MIB1: variants seen among roughly 807,000 people sequenced by gnomAD.
The protein encoded by MIB1 is E3 ubiquitin-protein ligase MIB1.
In MIB1, 278 loss-of-function variants were observed where a neutral mutation model predicts 124.5. That is an observed-to-expected ratio of 2.23 (90% confidence interval 2.02 to 2.47). MIB1 has a LOEUF of 2.47. MIB1 is among the 30% of genes most tolerant of loss of function. The pLI is 0.00. For synonymous variants in MIB1, 446 were observed against 429.4 expected (o/e 1.04, Z -0.48); for missense variants, 957 against 1,254.4 (o/e 0.76, Z 3.58).
chr18:21,734,992 C>T (rs2040789631), intron 1 of MIB1, among the ~76,000 whole-genome samples: 1 of 152,208 alleles, frequency 6.6e-6, no homozygotes, highest in African/African-American at 2.4e-5. Flanking sequence ...TTTCAAGTCT[C>T]CTTGTGTATT....
Position 21,825,152 on chromosome 18 carries a change from A to T in MIB1, c.1829+5506A>T, listed in dbSNP as rs555620145. On this transcript the variant is annotated intron_variant, in intron 12 of 20. Transcript: ENST00000261537. Reference sequence around the variant, plus strand: ...TAACTGTTTTAAGCCTCTCCACAAGATATTCTACAGTTATCATCTTTTTCA... The same window carrying T: ...TAACTGTTTTAAGCCTCTCCACAAGTTATTCTACAGTTATCATCTTTTTCA... 5.3e-5 allele frequency among the ~76,000 whole-genome samples: 8 copies of T among 152,240 alleles called. No homozygotes were observed. In the East Asian group the frequency reaches 1.2e-3, roughly 22 times the overall value.
intron 1 of MIB1, among the ~76,000 whole-genome samples, chr18:21,713,394 G>T (rs2040674123): frequency 6.6e-6 from 1 of 151,922 alleles, no homozygotes; most frequent in Non-Finnish European, 1.5e-5. Context: ...GGTGGATCAT[G>T]AGGTCAGGCA....
At chr18:21,781,414 TAA>T (rs1291173304) in intron 6 of MIB1, among the ~76,000 whole-genome samples, 12 of 99,184 alleles carry the variant, frequency 1.2e-4, no homozygotes, top group South Asian at 6.4e-4. Context: ...TATATATATA[TAA>T]AATTATTATT....
At chr18:21,827,996 A>G (rs1240068797) in intron 12 of MIB1, 1 of 151,988 alleles carries the variant, frequency 6.6e-6, no homozygotes, top group Non-Finnish European at 1.5e-5. Context: ...GTAGCTTAAA[A>G]CAGGTACTGC....
chr18:21,785,161 G>C (rs1598609649), intron 6 of MIB1, among the ~76,000 whole-genome samples: 1 of 152,082 alleles, frequency 6.6e-6, no homozygotes, highest in Non-Finnish European at 1.5e-5. Context: ...GTGTGACCCG[G>C]TGGACATGTG....
intron 13 of MIB1, among the ~76,000 whole-genome samples, chr18:21,838,978 C>T (rs1364598164): frequency 6.6e-6 from 1 of 152,204 alleles, no homozygotes; most frequent in East Asian, 1.9e-4. Context: ...TTGGTCATTT[C>T]ATTCATCTCA....
At chr18:21,742,396 T>A (rs1460030520) in intron 1 of MIB1, among the ~76,000 whole-genome samples, 1 of 152,022 alleles carries the variant, frequency 6.6e-6, no homozygotes, top group Non-Finnish European at 1.5e-5. Flanking sequence ...TATCTTTATA[T>A]CAATAGAGAG....
Position 21,741,949 on chromosome 18 carries a change from A to G in MIB1, c.229+137A>G, listed in dbSNP as rs557353707. On this transcript the variant is annotated intron_variant, in intron 1 of 20. Transcript: ENST00000261537. The surrounding 1 kb of genome is among the most constrained non-coding windows in gnomAD (Gnocchi z 5.4). ...CCCGGCTGGAGCGAGCGGAAAGGCA[A>G]AGCGCCAAAGGAATTCTAGGTTCCG... The G allele has an allele frequency of 1.6e-3, 1,160 of 739,686 alleles. 3 individuals are homozygous for G. Among genetic ancestry groups the G allele is most frequent in the Non-Finnish European group, 2.3e-3 (1,080 of 471,406 alleles). 45.8% of individuals were successfully genotyped at this position (739,686 alleles called of 1,614,324 possible).
chr18:21,714,226 G>A (rs182625382), intron 1 of MIB1, among the ~76,000 whole-genome samples: 92 of 152,270 alleles, frequency 6.0e-4, no homozygotes, highest in Admixed American at 5.8e-3. Flanking sequence ...CCCTGCCTAC[G>A]TAACAGACCA....
chr18:21,839,614 C>CCTG (rs1303970872), intron 13 of MIB1, among the ~76,000 whole-genome samples: 1 of 152,162 alleles, frequency 6.6e-6, no homozygotes, highest in Non-Finnish European at 1.5e-5. Flanking sequence ...AAGCAGTCCT[C>CCTG]CTGCCTCCCA....
At chr18:21,770,591 A>T (rs912071062) in intron 3 of MIB1, among the ~76,000 whole-genome samples, 2 of 152,146 alleles carry the variant, frequency 1.3e-5, no homozygotes, top group African/African-American at 2.4e-5. Flanking sequence ...AAGTGCTGGG[A>T]TTACAGGCAT....
intron 6 of MIB1, among the ~76,000 whole-genome samples, chr18:21,785,175 T>A (rs1036233617): frequency 1.3e-5 from 2 of 152,096 alleles, no homozygotes; most frequent in African/African-American, 4.8e-5. Flanking sequence ...ACATGTGACT[T>A]GTGTGACCTT....
intron 3 of MIB1, among the ~76,000 whole-genome samples, chr18:21,769,745 C>T (rs990763826): frequency 1.2e-4 from 19 of 152,170 alleles, no homozygotes; most frequent in Middle Eastern, 3.2e-3. Flanking sequence ...AGTCATCTTT[C>T]CTCATCAGCT....
chr18:21,829,173 A>G (rs1473435406), intron 12 of MIB1: 3 of 384,250 alleles, frequency 7.8e-6, no homozygotes, highest in South Asian at 2.0e-5. Context: ...ATGTAGAGCA[A>G]TGGTAAATCA....
At chr18:21,810,959 G>A (rs751459325) in intron 10 of MIB1, among the ~76,000 whole-genome samples, 2 of 151,980 alleles carry the variant, frequency 1.3e-5, no homozygotes, top group Non-Finnish European at 2.9e-5. Context: ...TATGAAATGG[G>A]AGAAAATATT....
chr18:21,818,989 AGTAT>A (rs2041855738), intron 11 of MIB1, among the ~76,000 whole-genome samples: 2 of 152,156 alleles, frequency 1.3e-5, no homozygotes, highest in Middle Eastern at 3.4e-3. Context: ...ACTAGATTTG[AGTAT>A]GTCTTTCCTT....
intron 20 of MIB1, among the ~76,000 whole-genome samples, chr18:21,859,610 C>T (rs2042256674): frequency 6.6e-6 from 1 of 151,684 alleles, no homozygotes; most frequent in Non-Finnish European, 1.5e-5. Flanking sequence ...AGAAAGGGGC[C>T]GGGCGTGGTG....
upstream of MIB1, among the ~76,000 whole-genome samples, chr18:21,737,121 G>A (rs1276260000): frequency 6.6e-6 from 1 of 152,130 alleles, no homozygotes; most frequent in African/African-American, 2.4e-5. Context: ...AGAGAGAAAG[G>A]TCGGGTTACC....
chr18:21,819,872 A>T (rs1413183751), intron 12 of MIB1, among the ~76,000 whole-genome samples: 1 of 152,218 alleles, frequency 6.6e-6, no homozygotes, highest in African/African-American at 2.4e-5. Flanking sequence ...ATGTGGTTGT[A>T]AAATATCAGG....
Sources: gnomAD v4.1 joint callset for allele counts (sites outside exome capture counted in the v4.1 genomes callset) on GRCh38, gnomAD v4.1.1 for gene constraint, Gnocchi (gnomAD v3.1) non-coding constraint, MANE v1.5 for transcripts, NCBI Gene and HGNC (gene_info 2026-07-23, HGNC 2026-07-21) for gene names.